The following STK32B variants were observed in gnomAD, a reference collection of about 807,000 sequenced individuals.
The protein encoded by STK32B is serine/threonine kinase 32B.
STK32B carries 43 observed loss-of-function variants against 52.6 expected under a neutral mutation model. The observed-to-expected ratio is 0.82, with a 90% CI of 0.64 to 1.05. The LOEUF (loss-of-function observed/expected upper bound fraction) is 1.05, where lower values mean the gene tolerates loss of function less well. Among genes scored for constraint, STK32B ranks in the 50% least tolerant of loss-of-function variants. STK32B has a pLI of 0.00. For missense variants in STK32B, 621 were observed against 534.6 expected (o/e 1.16, Z -1.59); for synonymous variants, 238 against 204.3 (o/e 1.17, Z -1.41).
At chr4:5,284,366 A>G (rs1728409840) in intron 3 of STK32B, among the ~76,000 whole-genome samples, 1 of 152,154 alleles carries the variant, frequency 6.6e-6, no homozygotes, top group Non-Finnish European at 1.5e-5. Context: ...TAGGTTTAAG[A>G]GAAGACTTAG....
chr4:5,225,736 G>A (rs2108800727), intron 3 of STK32B, among the ~76,000 whole-genome samples: 1 of 152,322 alleles, frequency 6.6e-6, no homozygotes. Context: ...AGCTGGAAGG[G>A]CTCAAGGAAG....
intron 8 of STK32B, among the ~76,000 whole-genome samples, 155 bp downstream of exon 8, chr4:5,457,078 C>T (rs552336618): frequency 5.8e-4 from 88 of 152,286 alleles, no homozygotes; most frequent in African/African-American, 2.0e-3. Context: ...GTGGAATAAA[C>T]GCTGTTATGG....
intron 2 of STK32B, 29 bp downstream of exon 2, chr4:5,139,989 GC>G: frequency 6.2e-7 from 1 of 1,613,444 alleles, no homozygotes; most frequent in African/African-American, 1.3e-5. Flanking sequence ...GGACCACTGG[GC>G]TTAAGTATGT....
At chr4:5,185,473 T>C (rs773965060) in intron 3 of STK32B, among the ~76,000 whole-genome samples, 1 of 152,198 alleles carries the variant, frequency 6.6e-6, no homozygotes, top group East Asian at 1.9e-4. Context: ...GAGCTTTGAT[T>C]AAAATAAAAC....
chr4:5,255,526 C>T (rs927138549), intron 3 of STK32B, among the ~76,000 whole-genome samples: 3 of 151,990 alleles, frequency 2.0e-5, no homozygotes, highest in Non-Finnish European at 4.4e-5. Flanking sequence ...GTGACAACCA[C>T]CCAAATCAAG....
At chr4:5,019,529 C>T in the STK32B span, 1 of 1,344,538 alleles carries the variant, frequency 7.4e-7, no homozygotes, top group Non-Finnish European at 9.6e-7. Flanking sequence ...CCTCCACTTC[C>T]TGTGGGGCCA....
chr4:5,278,694 A>G (rs1239706309), intron 3 of STK32B, among the ~76,000 whole-genome samples: 2 of 152,168 alleles, frequency 1.3e-5, no homozygotes, highest in African/African-American at 4.8e-5. Flanking sequence ...TAACACTACT[A>G]TAAAGACATA....
chr4:5,046,653 A>C (rs1741622731), upstream of STK32B, among the ~76,000 whole-genome samples: 4 of 152,306 alleles, frequency 2.6e-5, no homozygotes, highest in South Asian at 8.3e-4. Flanking sequence ...AATAAAACAA[A>C]CAACCACATA....
At chr4:5,438,183 C>T (rs1431379740) in intron 6 of STK32B, 3 of 952,922 alleles carry the variant, frequency 3.1e-6, no homozygotes, top group African/African-American at 1.8e-5. Context: ...GACTCCTTTT[C>T]TCTCAAGCCC....
intron 5 of STK32B, among the ~76,000 whole-genome samples, chr4:5,414,953 A>G (rs1347288369): frequency 6.6e-6 from 1 of 152,252 alleles, no homozygotes; most frequent in Non-Finnish European, 1.5e-5. Context: ...AAGGCTTCAT[A>G]GTCCTCTTCC....
intron 3 of STK32B, among the ~76,000 whole-genome samples, chr4:5,315,729 C>T (rs1730631745): frequency 6.7e-6 from 1 of 148,274 alleles, no homozygotes; most frequent in African/African-American, 2.5e-5. Flanking sequence ...TCCAGTTTCG[C>T]CCTGAGACTC....
chr4:5,262,131 T>C (rs1560269468), intron 3 of STK32B, among the ~76,000 whole-genome samples: 1 of 152,142 alleles, frequency 6.6e-6, no homozygotes, highest in Non-Finnish European at 1.5e-5. Context: ...ACTCTCTCTG[T>C]TGGCAGACAC....
At chr4:5,487,040 A>G (rs1719281949) in intron 11 of STK32B, among the ~76,000 whole-genome samples, 1 of 152,226 alleles carries the variant, frequency 6.6e-6, no homozygotes, top group Admixed American at 6.5e-5. Context: ...TCATATGATC[A>G]GTTTTTACAA....
intron 3 of STK32B, among the ~76,000 whole-genome samples, chr4:5,252,057 G>A (rs997109978): frequency 4.1e-4 from 63 of 152,124 alleles, no homozygotes; most frequent in African/African-American, 1.4e-3. Flanking sequence ...ATCCCCCAAC[G>A]AGTCTTTGAA....
chr4:5,492,144 C>T (rs1234804486), intron 11 of STK32B, among the ~76,000 whole-genome samples: 1 of 152,118 alleles, frequency 6.6e-6, no homozygotes, highest in Non-Finnish European at 1.5e-5. Context: ...ATGGGGATGG[C>T]ATTGAATCTA....
At chr4:5,462,097 G>A (rs1717070620) in intron 9 of STK32B, among the ~76,000 whole-genome samples, 1 of 147,982 alleles carries the variant, frequency 6.8e-6, no homozygotes, top group African/African-American at 2.4e-5. Flanking sequence ...GTGGAAGTGT[G>A]TCTGTGTGTA....
chr4:5,481,397 G>A (rs545728064), intron 11 of STK32B, among the ~76,000 whole-genome samples: 55 of 152,240 alleles, frequency 3.6e-4, no homozygotes, highest in African/African-American at 1.3e-3. Context: ...AGAAGTGTCT[G>A]TTCATATCCT....
chr4:5,140,209 C>T (rs758610204), intron 2 of STK32B: 40 of 1,487,374 alleles, frequency 2.7e-5, no homozygotes, highest in South Asian at 1.2e-4. Context: ...TTGCCAATGC[C>T]GTTTGTTCCT....
intron 3 of STK32B, among the ~76,000 whole-genome samples, chr4:5,179,822 G>T (rs776655599): frequency 2.6e-5 from 4 of 152,190 alleles, no homozygotes; most frequent in Non-Finnish European, 5.9e-5. Flanking sequence ...GCCTTGCACT[G>T]CCTTCTTTTG....
Sources: allele counts gnomAD v4.1 joint callset (sites outside exome capture counted in the v4.1 genomes callset), GRCh38; gene constraint gnomAD v4.1.1; transcripts MANE v1.5; gene names NCBI Gene and HGNC (gene_info 2026-07-23, HGNC 2026-07-21).